Variants in HECW1 observed in about 807,000 individuals in gnomAD.
The protein encoded by HECW1 is E3 ubiquitin-protein ligase HECW1.
Under a neutral mutation model 182.3 loss-of-function variants are expected in HECW1, and 61 were observed. That is an observed-to-expected ratio of 0.33 (90% CI 0.27 to 0.41). The LOEUF (loss-of-function observed/expected upper bound fraction) is 0.41, where lower values mean the gene tolerates loss of function less well. HECW1 is among the 10% of genes least tolerant of loss of function. The pLI, the probability that HECW1 is intolerant of heterozygous loss-of-function variation, is 1.00. For missense variants in HECW1, 1,739 were observed against 2,108.9 expected, an observed-to-expected ratio of 0.82 and a Z score of 3.44; for synonymous variants, 859 against 832.6, an observed-to-expected ratio of 1.03 and a Z score of -0.55.
At chr7:43,340,188 A>G (rs1215236639) in intron 5 of HECW1, among the ~76,000 whole-genome samples, 1 of 150,358 alleles carries the variant, frequency 6.7e-6, no homozygotes, top group Non-Finnish European at 1.5e-5. Flanking sequence ...ACTCTATCCT[A>G]GCAGAAAGAA....
At chr7:43,447,509 G>A (rs924242518) in intron 11 of HECW1, among the ~76,000 whole-genome samples, 1 of 152,162 alleles carries the variant, frequency 6.6e-6, no homozygotes, top group African/African-American at 2.4e-5. Flanking sequence ...GCACCTACAT[G>A]CTTCACTATG....
At chr7:43,135,426 A>G (rs778071443) in intron 2 of HECW1, among the ~76,000 whole-genome samples, 4 of 152,102 alleles carry the variant, frequency 2.6e-5, no homozygotes, top group Non-Finnish European at 4.4e-5. Context: ...ACTAAATTTG[A>G]TGGAGCTAGG....
chr7:43,135,223 A>G (rs887346002), intron 2 of HECW1, among the ~76,000 whole-genome samples: 1 of 152,186 alleles, frequency 6.6e-6, no homozygotes, highest in Non-Finnish European at 1.5e-5. Flanking sequence ...GGGGGTAGTC[A>G]TATGACATAT....
chr7:43,363,209 C>T (rs551497941), intron 6 of HECW1, among the ~76,000 whole-genome samples: 1 of 152,290 alleles, frequency 6.6e-6, no homozygotes, highest in East Asian at 1.9e-4. Flanking sequence ...TGATGTACAG[C>T]CCCTTAGGGC....
At chr7:43,141,109 G>C (rs558496804) in intron 2 of HECW1, among the ~76,000 whole-genome samples, 1 of 152,180 alleles carries the variant, frequency 6.6e-6, no homozygotes, top group Non-Finnish European at 1.5e-5. Context: ...ACCCGTCTTT[G>C]GTATGGAGAA....
intron 24 of HECW1, among the ~76,000 whole-genome samples, chr7:43,519,943 T>TCA (rs1181285996): frequency 1.3e-5 from 2 of 152,162 alleles, no homozygotes; most frequent in African/African-American, 4.8e-5. Context: ...TCAATATGTG[T>TCA]CACAGGAGAT....
chr7:43,434,759 G>A (rs756721858), intron 8 of HECW1, among the ~76,000 whole-genome samples: 7 of 152,150 alleles, frequency 4.6e-5, no homozygotes, highest in Non-Finnish European at 7.3e-5. Flanking sequence ...TAAGAAGAAA[G>A]TTCTTGTGGA....
intron 24 of HECW1, among the ~76,000 whole-genome samples, chr7:43,531,360 C>T (rs1181621321): frequency 2.0e-5 from 3 of 152,190 alleles, no homozygotes; most frequent in African/African-American, 4.8e-5. Flanking sequence ...TGAGATACTG[C>T]ATTGCTGTGT....
intron 24 of HECW1, among the ~76,000 whole-genome samples, chr7:43,529,425 G>T (rs1398306385): frequency 6.6e-6 from 1 of 152,108 alleles, no homozygotes; most frequent in African/African-American, 2.4e-5. Flanking sequence ...TATAGCTCTA[G>T]CCCTGGAGAA....
chr7:43,278,108 A>G (rs1406744001), intron 3 of HECW1, among the ~76,000 whole-genome samples: 1 of 152,092 alleles, frequency 6.6e-6, no homozygotes, highest in African/African-American at 2.4e-5. Context: ...TGCCCATTTC[A>G]GACCCTGCCC....
chr7:43,196,605 A>G (rs954221776), intron 2 of HECW1, among the ~76,000 whole-genome samples: 2 of 152,146 alleles, frequency 1.3e-5, no homozygotes, highest in Non-Finnish European at 2.9e-5. Flanking sequence ...TGCCCTCAGG[A>G]TGAGTGCAGT....
intron 24 of HECW1, among the ~76,000 whole-genome samples, chr7:43,517,599 C>A (rs2080227495): frequency 6.6e-6 from 1 of 152,082 alleles, no homozygotes; most frequent in African/African-American, 2.4e-5. Flanking sequence ...TAGGTAGAAA[C>A]CACAACATTA....
intron 2 of HECW1, among the ~76,000 whole-genome samples, chr7:43,190,986 C>G (rs1793864828): frequency 6.6e-6 from 1 of 152,058 alleles, no homozygotes; most frequent in Admixed American, 6.5e-5. Flanking sequence ...AGGGAAGGAC[C>G]TTGGTGCAAG....
intron 6 of HECW1, among the ~76,000 whole-genome samples, chr7:43,374,839 A>AT (rs139243800): frequency 0.37 from 47,452 of 128,458 alleles, 9,819 homozygotes; most frequent in African/African-American, 0.56. Flanking sequence ...AGATGAAAAT[A>AT]TTTTTTATCT....
intron 3 of HECW1, among the ~76,000 whole-genome samples, chr7:43,247,527 G>A (rs1445082097): frequency 6.6e-6 from 1 of 152,154 alleles, no homozygotes; most frequent in Non-Finnish European, 1.5e-5. Flanking sequence ...TGCAGTCACA[G>A]TTACTCTGGT....
In HECW1 at chr7:43,484,084, A is replaced by G. The variant is rs557692892; in HGVS notation, c.3234+4340A>G. ...ACTTCAGTCTGCAGACAGGCGTTCC[A>G]GCTCCGGCATGTCCACAGAGGAGCT... On this transcript the variant is annotated intron_variant, in intron 17 of 29. Coordinates refer to ENST00000395891, the MANE Select transcript of HECW1 (RefSeq NM_015052.5). The G allele has an allele frequency of 2.6e-5, 4 of 152,310 alleles. No homozygotes were observed. In the South Asian group the frequency reaches 8.3e-4, roughly 32 times the overall value. The allele number at this position is 152,310 out of a possible 1,614,324, so 9.4% of individuals were successfully genotyped here.
At chr7:43,524,686 A>G (rs1428827546) in intron 24 of HECW1, among the ~76,000 whole-genome samples, 1 of 152,212 alleles carries the variant, frequency 6.6e-6, no homozygotes, top group African/African-American at 2.4e-5. Flanking sequence ...AGGCTTTGAC[A>G]TGCCCATGCA....
At chr7:43,532,502 A>T (rs1291398091) in intron 24 of HECW1, among the ~76,000 whole-genome samples, 1 of 152,104 alleles carries the variant, frequency 6.6e-6, no homozygotes, top group African/African-American at 2.4e-5. Flanking sequence ...GTCCGGCATG[A>T]TCTATCCCCT....
chr7:43,442,376 G>A (rs938675413), intron 9 of HECW1, among the ~76,000 whole-genome samples, 153 bp from the exon 10 acceptor site: 4 of 152,170 alleles, frequency 2.6e-5, no homozygotes, highest in South Asian at 2.1e-4. Flanking sequence ...ATCTGTATTC[G>A]ATAAGGACTT....
Sources: allele counts gnomAD v4.1 joint callset (sites outside exome capture counted in the v4.1 genomes callset), GRCh38; gene constraint gnomAD v4.1.1; transcripts MANE v1.5; gene names NCBI Gene and HGNC (gene_info 2026-07-23, HGNC 2026-07-21).